Variants in KLKB1 observed in about 807,000 individuals in gnomAD.
KLKB1 encodes the protein kallikrein B1, also known as plasma kallikrein.
Under a neutral mutation model 73.6 loss-of-function variants are expected in KLKB1, and 58 were observed. The observed-to-expected ratio is 0.79, with a 90% confidence interval of 0.64 to 0.98. The LOEUF is 0.98. KLKB1 is among the 50% of genes least tolerant of loss of function. The pLI is 0.00. For missense variants in KLKB1, 737 were observed against 763.8 expected (o/e 0.96, Z 0.41); for synonymous variants, 280 against 258.1 (o/e 1.08, Z -0.81).
chr4:186,216,839 A>C (rs1212877915), intron 2 of KLKB1, among the ~76,000 whole-genome samples: 1 of 152,222 alleles, frequency 6.6e-6, no homozygotes, highest in South Asian at 2.1e-4. Flanking sequence ...TGCTGACCGC[A>C]GAGGAAAACT....
chr4:186,225,073 G>T (rs1737123874), upstream of KLKB1, among the ~76,000 whole-genome samples: 1 of 152,288 alleles, frequency 6.6e-6, no homozygotes, highest in Admixed American at 6.5e-5. Flanking sequence ...GTGATTATAA[G>T]TTTCCTGAGG....
intron 6 of KLKB1, among the ~76,000 whole-genome samples, chr4:186,243,128 G>T (rs541169167): frequency 6.6e-6 from 1 of 152,258 alleles, no homozygotes; most frequent in East Asian, 1.9e-4. Context: ...TCCTGGGCGG[G>T]GGCAAATCCC....
At chr4:186,232,435 A>T in intron 3 of KLKB1, 146 bp downstream of exon 3, 1 of 746,292 alleles carries the variant, frequency 1.3e-6, no homozygotes, top group Non-Finnish European at 2.3e-6. Context: ...GGTTCTTACA[A>T]ATGCAGATTC....
intron 6 of KLKB1, among the ~76,000 whole-genome samples, chr4:186,247,650 C>T (rs1248636080): frequency 1.3e-5 from 2 of 152,246 alleles, no homozygotes; most frequent in South Asian, 2.1e-4. Context: ...GGGGCTTAAT[C>T]GCACTTTATA....
chr4:186,240,601 G>A (rs192103734), intron 6 of KLKB1, among the ~76,000 whole-genome samples: 36 of 152,210 alleles, frequency 2.4e-4, no homozygotes, highest in African/African-American at 8.4e-4. Context: ...AATCCCTTAC[G>A]GCCAGTTTTC....
rs539989457 is a variant in KLKB1 at position 186,215,583 on chromosome 4, A to G, written c.201+6311A>G. ...CATTTATTTATTTATTTATTTATTT[A>G]TCTATCTATCTATTTTTTGAGACAG... On this transcript the variant is annotated intron_variant, in intron 2 of 14. Coordinates refer to the KLKB1 transcript ENST00000511608. 3.3e-5 allele frequency among the ~76,000 whole-genome samples: 5 copies of G among 151,764 alleles called. No homozygotes were observed. In the South Asian group the frequency reaches 1.0e-3, roughly 32 times the overall value.
chr4:186,232,038 G>A, intron 2 of KLKB1, 89 bp from the exon 3 acceptor site: 3 of 1,036,706 alleles, frequency 2.9e-6, no homozygotes, highest in Non-Finnish European at 4.2e-6. Flanking sequence ...TGAGTAGTCA[G>A]TCAGTGGGAG....
intron 2 of KLKB1, among the ~76,000 whole-genome samples, chr4:186,229,176 A>T (rs1208366669): frequency 6.6e-6 from 1 of 152,218 alleles, no homozygotes; most frequent in African/African-American, 2.4e-5. Context: ...TGGGAACCAC[A>T]GCCAACTACA....
At chr4:186,228,310 A>T in intron 2 of KLKB1, 57 bp downstream of exon 2, 1 of 1,080,244 alleles carries the variant, frequency 9.3e-7, no homozygotes, top group Non-Finnish European at 1.4e-6. Flanking sequence ...TAGCCAAGCA[A>T]GTGGCACCAC....
chr4:186,254,667 CAAAT>C lies in KLKB1; in HGVS notation c.1397_1400del (p.Ile466LysfsTer20), dbSNP rs1738887079. ...CATTACAAAAGATACACCTTTCTCA[CAAAT>C]AAAAGAGATTATTATTCACCAAAAC... On this transcript the variant is annotated frameshift_variant, in exon 12 of 15. Coordinates refer to ENST00000264690, the MANE Select transcript of KLKB1 (RefSeq NM_000892.5). LOFTEE classifies it high-confidence loss of function. 6.2e-7 allele frequency: 1 copy of C among 1,613,098 alleles called. No homozygotes were observed. Among genetic ancestry groups the C allele is most frequent in the Non-Finnish European group, 8.5e-7 (1 of 1,179,100 alleles).
intron 6 of KLKB1, among the ~76,000 whole-genome samples, chr4:186,249,598 C>A (rs1187801345): frequency 2.6e-5 from 4 of 152,082 alleles, no homozygotes; most frequent in African/African-American, 9.7e-5. Context: ...TATTCCGGAT[C>A]TTTTGCATTT....
Position 186,234,070 on chromosome 4 carries a change from A to G in KLKB1, c.328+12A>G. 2 of 1,574,530 alleles carry G rather than the reference A, an allele frequency of 1.3e-6. No homozygotes were observed. The highest frequency in any genetic ancestry group is 1.7e-6 in the Non-Finnish European group (2 of 1,144,012). On this transcript the variant is annotated intron_variant, in intron 4 of 14. Transcript: ENST00000264690. ...TCATCAAATAAGTGGTAAGTTGTGA[A>G]TTTCTTAGCTACATTTGAGTTAATA...
At chr4:186,244,089 C>T (rs1052891526) in intron 6 of KLKB1, among the ~76,000 whole-genome samples, 11 of 152,074 alleles carry the variant, frequency 7.2e-5, no homozygotes, top group South Asian at 2.1e-4. Flanking sequence ...ATTTTGACTG[C>T]GCAGCCCTGC....
At chr4:186,214,398 C>G (rs1736829277) in intron 2 of KLKB1, among the ~76,000 whole-genome samples, 1 of 152,164 alleles carries the variant, frequency 6.6e-6, no homozygotes, top group African/African-American at 2.4e-5. Flanking sequence ...TGTGTCAGGT[C>G]AGCCGAAGGA....
In KLKB1 at chr4:186,251,862, G is replaced by A; in HGVS notation, c.1144+1G>A. 1 of 1,609,808 alleles carries A rather than the reference G, an allele frequency of 6.2e-7. No individual in the cohort carries two copies. On this transcript the variant is annotated splice_donor_variant, in intron 10 of 14. Transcript: ENST00000264690. LOFTEE classifies it high-confidence loss of function. ...TTGTGTAACACTGGGGACAACTCTG[G>A]TGAGTAACCTCACTTTTTCGTGGAC...
chr4:186,250,099 A>ACTT, intron 6 of KLKB1, 144 bp from the exon 7 acceptor site: 3 of 881,002 alleles, frequency 3.4e-6, no homozygotes, highest in South Asian at 1.4e-5. Flanking sequence ...GTTTGGAGAT[A>ACTT]CTTTAAAGGA....
chr4:186,252,493 TGCCAC>T (rs1490241426), intron 11 of KLKB1, among the ~76,000 whole-genome samples: 3 of 121,126 alleles, frequency 2.5e-5, no homozygotes, highest in African/African-American at 1.0e-4. Context: ...CCACCAATCC[TGCCAC>T]CCACCACCAA....
In KLKB1 at chr4:186,238,256, GA is replaced by G; in HGVS notation, c.491del (p.Asn164ThrfsTer5). 1 of 1,604,516 alleles carries G rather than the reference GA, an allele frequency of 6.2e-7. No individual in the cohort carries two copies. The highest frequency in any genetic ancestry group is 8.5e-7 in the Non-Finnish European group (1 of 1,171,382). The part of the protein sequence containing the change: ...TQTFHKAEYR[N>X]NCLLKYSPGG... Reference sequence around the variant, plus strand: ...AGTAACCTCTTTTCTTCCCATTCAGGAACAATTGCCTATTAAAGTACAGTCC... The same window carrying G: ...AGTAACCTCTTTTCTTCCCATTCAGGACAATTGCCTATTAAAGTACAGTCC... On this transcript the variant is annotated frameshift_variant and splice_region_variant, in exon 6 of 15. Transcript: ENST00000264690. LOFTEE classifies it high-confidence loss of function.
intron 3 of KLKB1, among the ~76,000 whole-genome samples, chr4:186,233,604 T>G (rs1261539392): frequency 6.6e-6 from 1 of 152,230 alleles, no homozygotes; most frequent in Non-Finnish European, 1.5e-5. Flanking sequence ...AATCCAGCTC[T>G]TATCACTAAG....
Sources: gnomAD v4.1 joint callset for allele counts (sites outside exome capture counted in the v4.1 genomes callset) on GRCh38, gnomAD v4.1.1 for gene constraint, MANE v1.5 for transcripts, NCBI Gene and HGNC (gene_info 2026-07-23, HGNC 2026-07-21) for gene names.